SGIP1: variants seen among roughly 807,000 people sequenced by gnomAD.
The protein encoded by SGIP1 is SH3-containing GRB2-like protein 3-interacting protein 1.
A neutral mutation model predicts 107.5 loss-of-function variants in SGIP1; 38 were observed. The ratio of observed to expected loss-of-function variants is 0.35; its 90% CI spans 0.27 to 0.46. The LOEUF (loss-of-function observed/expected upper bound fraction) is 0.46, where lower values mean the gene tolerates loss of function less well. SGIP1 is among the 20% of genes least tolerant of loss of function. The pLI is 1.00. For missense variants in SGIP1, 929 were observed against 1,019.5 expected (o/e 0.91, Z 1.21); for synonymous variants, 365 against 366.1 (o/e 1.00, Z 0.03).
chr1:66,626,989 T>C (rs2072978871), intron 2 of SGIP1, among the ~76,000 whole-genome samples: 1 of 152,202 alleles, frequency 6.6e-6, no homozygotes, highest in African/African-American at 2.4e-5. Context: ...CCCTGGGCCC[T>C]TGTCCTTTAA....
chr1:66,709,298 G>A (rs1452854334), intron 18 of SGIP1, among the ~76,000 whole-genome samples: 1 of 150,782 alleles, frequency 6.6e-6, no homozygotes, highest in Non-Finnish European at 1.5e-5. Context: ...AGGAGAACAT[G>A]TAGCACTCTG....
intron 1 of SGIP1, among the ~76,000 whole-genome samples, chr1:66,559,459 C>A (rs998566539): frequency 6.6e-6 from 1 of 152,030 alleles, no homozygotes; most frequent in Non-Finnish European, 1.5e-5. Flanking sequence ...ATGTTTAGTG[C>A]TTCGAGGAAG....
At chr1:66,620,235 T>C (rs1005016875) in intron 1 of SGIP1, among the ~76,000 whole-genome samples, 2 of 152,128 alleles carry the variant, frequency 1.3e-5, no homozygotes, top group African/African-American at 4.8e-5. Context: ...TTTTAGTTAG[T>C]TTAGGGAAGC....
intron 18 of SGIP1, among the ~76,000 whole-genome samples, chr1:66,709,788 A>C (rs2092787356): frequency 6.6e-6 from 1 of 152,090 alleles, no homozygotes; most frequent in Non-Finnish European, 1.5e-5. Context: ...AAGTGTGAGG[A>C]TTTAATAAGG....
At chr1:66,588,199 A>G (rs902524588) in intron 1 of SGIP1, among the ~76,000 whole-genome samples, 2 of 152,152 alleles carry the variant, frequency 1.3e-5, no homozygotes, top group African/African-American at 2.4e-5. Context: ...TTGCCGGATC[A>G]TCTTTTAGGA....
chr1:66,626,091 A>C lies in SGIP1; in HGVS notation c.74+181A>C, dbSNP rs962696245. 92 of 372,846 alleles carry C rather than the reference A, an allele frequency of 2.5e-4. No individual in the cohort carries two copies. The Middle Eastern group carries it at 2.6e-3, about 11-fold the overall frequency. 23.1% of individuals were successfully genotyped at this position (372,846 alleles called of 1,614,324 possible). The stretch of plus-strand genomic sequence containing the variant: ...TCTTAGATTTATGCTAAAAAGGTAA[A>C]AATTTTTCATCATGTGTTCAGTTTT... On this transcript the variant is annotated intron_variant, in intron 2 of 24. Transcript: ENST00000371037.
chr1:66,643,145 C>G (rs552412731), intron 6 of SGIP1, among the ~76,000 whole-genome samples: 23 of 79,468 alleles, frequency 2.9e-4, no homozygotes, highest in African/African-American at 1.4e-3. Context: ...GAAAATAGCT[C>G]TTACTGTCCT....
intron 1 of SGIP1, among the ~76,000 whole-genome samples, chr1:66,578,359 G>A (rs1192491313): frequency 1.3e-5 from 2 of 152,176 alleles, no homozygotes; most frequent in African/African-American, 4.8e-5. Context: ...CTATTCATTA[G>A]GAGTTTATAA....
At chr1:66,543,332 G>C (rs1373528294) in intron 1 of SGIP1, among the ~76,000 whole-genome samples, 1 of 152,100 alleles carries the variant, frequency 6.6e-6, no homozygotes, top group African/African-American at 2.4e-5. Flanking sequence ...TTTTATGAAA[G>C]CTGTGGCTGT....
intron 4 of SGIP1, among the ~76,000 whole-genome samples, chr1:66,639,405 G>C (rs942695662): frequency 6.6e-6 from 1 of 152,160 alleles, no homozygotes; most frequent in African/African-American, 2.4e-5. Context: ...GGAGGTAAAA[G>C]TGTTACCATT....
chr1:66,583,659 T>A (rs753684200), intron 1 of SGIP1, among the ~76,000 whole-genome samples: 7 of 152,240 alleles, frequency 4.6e-5, no homozygotes, highest in Admixed American at 6.5e-5. Flanking sequence ...GGATAAGCCT[T>A]CCTATTCCCC....
chr1:66,698,353 A>C (rs1342042045), intron 18 of SGIP1, among the ~76,000 whole-genome samples: 3 of 151,786 alleles, frequency 2.0e-5, no homozygotes, highest in Admixed American at 6.6e-5. Flanking sequence ...TGGGAAAAAA[A>C]CAGTAAAGAT....
At chr1:66,618,209 A>G (rs1200659334) in intron 1 of SGIP1, among the ~76,000 whole-genome samples, 1 of 152,236 alleles carries the variant, frequency 6.6e-6, no homozygotes, top group East Asian at 1.9e-4. Flanking sequence ...CCTAAAATGT[A>G]ATGTGGCCTT....
At chr1:66,697,577 A>G (rs1478542340) in intron 18 of SGIP1, among the ~76,000 whole-genome samples, 1 of 152,210 alleles carries the variant, frequency 6.6e-6, no homozygotes, top group Non-Finnish European at 1.5e-5. Flanking sequence ...ATGCAGATAC[A>G]AGTATATTCA....
chr1:66,682,456 G>A, intron 15 of SGIP1, 87 bp downstream of exon 15: 2 of 1,504,756 alleles, frequency 1.3e-6, no homozygotes, highest in Non-Finnish European at 1.8e-6. Flanking sequence ...CTGCCTGGCA[G>A]CTGGCTTCAG....
At chr1:66,730,084 G>A (rs889595331) in intron 20 of SGIP1, among the ~76,000 whole-genome samples, 2 of 152,186 alleles carry the variant, frequency 1.3e-5, no homozygotes, top group South Asian at 2.1e-4. Flanking sequence ...TTACAGCCAT[G>A]AGCCACCACG....
intron 1 of SGIP1, among the ~76,000 whole-genome samples, chr1:66,600,408 G>A (rs961720632): frequency 2.6e-4 from 40 of 152,268 alleles, no homozygotes; most frequent in African/African-American, 9.6e-4. Context: ...AGTCACACTC[G>A]TGGTAGTTGT....
At chr1:66,644,329 C>T (rs527763275) in intron 7 of SGIP1, among the ~76,000 whole-genome samples, 3 of 149,036 alleles carry the variant, frequency 2.0e-5, no homozygotes, top group South Asian at 2.1e-4. Flanking sequence ...TTCCTACAGA[C>T]AAGCTAAGAT....
intron 1 of SGIP1, among the ~76,000 whole-genome samples, chr1:66,603,382 T>C (rs1255861008): frequency 6.6e-6 from 1 of 152,166 alleles, no homozygotes; most frequent in Non-Finnish European, 1.5e-5. Flanking sequence ...GGACAGTATC[T>C]ATGTTAGTGA....
Sources: allele counts gnomAD v4.1 joint callset (sites outside exome capture counted in the v4.1 genomes callset), GRCh38; gene constraint gnomAD v4.1.1; transcripts MANE v1.5; gene names NCBI Gene and HGNC (gene_info 2026-07-23, HGNC 2026-07-21).